Variants in HIVEP2 observed in about 807,000 individuals in gnomAD.
The protein encoded by HIVEP2 is HIVEP zinc finger 2.
HIVEP2 carries 14 observed loss-of-function variants against 180.7 expected under a neutral mutation model. That is an observed-to-expected ratio of 0.08 (90% CI 0.05 to 0.12). The LOEUF is 0.12. HIVEP2 is among the 10% of genes least tolerant of loss of function. The probability of loss-of-function intolerance (pLI) is 1.00; values close to 1 mark genes in which losing one functional copy is unlikely to be tolerated. For synonymous variants in HIVEP2, 1,184 were observed against 1,136.4 expected, an observed-to-expected ratio of 1.04 and a Z score of -0.84; for missense variants, 2,579 against 3,008.5, an observed-to-expected ratio of 0.86 and a Z score of 3.34.
intron 1 of HIVEP2, among the ~76,000 whole-genome samples, chr6:142,930,409 T>G (rs922495388): frequency 3.3e-5 from 5 of 152,184 alleles, no homozygotes; most frequent in African/African-American, 1.2e-4. Flanking sequence ...TTATTTTTCT[T>G]ACAAACTACC....
intron 1 of HIVEP2, among the ~76,000 whole-genome samples, chr6:142,921,747 G>C (rs994134332): frequency 6.6e-6 from 1 of 152,086 alleles, no homozygotes; most frequent in Non-Finnish European, 1.5e-5. Flanking sequence ...GAAATAACTA[G>C]GGAGAAAAAG....
chr6:142,796,969 T>A (rs748518895), intron 2 of HIVEP2, among the ~76,000 whole-genome samples: 1 of 152,176 alleles, frequency 6.6e-6, no homozygotes, highest in Admixed American at 6.6e-5. Flanking sequence ...GATTTAATAC[T>A]GCATCTTTAC....
intron 1 of HIVEP2, among the ~76,000 whole-genome samples, chr6:142,877,742 G>T (rs952265615): frequency 1.3e-5 from 2 of 152,174 alleles, no homozygotes; most frequent in Non-Finnish European, 2.9e-5. Flanking sequence ...GACTTCCTGA[G>T]ATCACAGCCT....
chr6:142,904,419 T>C (rs374379623), intron 1 of HIVEP2, among the ~76,000 whole-genome samples: 40 of 152,346 alleles, frequency 2.6e-4, no homozygotes, highest in African/African-American at 9.1e-4. Context: ...CTTGTAAAGC[T>C]GTTGTTCATG....
At chr6:142,814,809 A>G (rs1197402872) in intron 2 of HIVEP2, among the ~76,000 whole-genome samples, 1 of 152,204 alleles carries the variant, frequency 6.6e-6, no homozygotes. Context: ...TAGTAGTCAA[A>G]GAAATCAAAG....
intron 1 of HIVEP2, among the ~76,000 whole-genome samples, chr6:142,916,382 C>T (rs1001795809): frequency 2.0e-5 from 3 of 152,188 alleles, no homozygotes; most frequent in Non-Finnish European, 4.4e-5. Context: ...GTTTATAAGA[C>T]CCTGTGTGGA....
At chr6:142,764,392 T>C (rs1775329997) in intron 7 of HIVEP2, among the ~76,000 whole-genome samples, 1 of 152,216 alleles carries the variant, frequency 6.6e-6, no homozygotes, top group Non-Finnish European at 1.5e-5. Flanking sequence ...CTCTACATTA[T>C]TTATAATCTT....
At chr6:142,936,188 T>C (rs1386549252) in intron 1 of HIVEP2, among the ~76,000 whole-genome samples, 1 of 151,300 alleles carries the variant, frequency 6.6e-6, no homozygotes, top group Non-Finnish European at 1.5e-5. Context: ...CACTTAATTC[T>C]CTCTCTCTCT....
intron 1 of HIVEP2, among the ~76,000 whole-genome samples, chr6:142,931,741 T>G (rs1158121207): frequency 1.3e-5 from 2 of 152,204 alleles, no homozygotes; most frequent in African/African-American, 4.8e-5. Context: ...TTTTATCTGT[T>G]CGTTTCATTT....
intron 1 of HIVEP2, among the ~76,000 whole-genome samples, chr6:142,856,797 T>C (rs1775833791): frequency 6.6e-6 from 1 of 152,168 alleles, no homozygotes; most frequent in South Asian, 2.1e-4. Flanking sequence ...AGAAATGACC[T>C]GTGAGGGAGA....
chr6:142,923,508 G>A (rs1777730988), intron 1 of HIVEP2, among the ~76,000 whole-genome samples: 1 of 152,164 alleles, frequency 6.6e-6, no homozygotes, highest in Admixed American at 6.5e-5. Flanking sequence ...CTTTGGAGAA[G>A]ATTTTCTTTT....
rs1224410312 is a variant in HIVEP2, at chr6:142,873,273, GC to G, written c.-640-36227del. 2.0e-5 allele frequency among the ~76,000 whole-genome samples: 3 copies of G among 152,142 alleles called. No homozygotes were observed. The East Asian group carries it at 5.8e-4, about 29-fold the overall frequency. The stretch of plus-strand genomic sequence containing the variant: ...CTCACTAGAAAAAAAATGGCTGTGT[GC>G]CCCCAATCCAAACAAGACATTTAAA... On this transcript the variant is annotated intron_variant, in intron 1 of 9. Coordinates refer to ENST00000367603, the MANE Select transcript of HIVEP2 (RefSeq NM_006734.4).
intron 1 of HIVEP2, among the ~76,000 whole-genome samples, chr6:142,839,345 T>G (rs759126534): frequency 2.0e-5 from 3 of 152,072 alleles, no homozygotes; most frequent in Non-Finnish European, 4.4e-5. Flanking sequence ...TCCTTACTTT[T>G]AATTTGTTTG....
At chr6:142,874,056 T>C (rs542576095) in intron 1 of HIVEP2, among the ~76,000 whole-genome samples, 7 of 152,292 alleles carry the variant, frequency 4.6e-5, no homozygotes, top group African/African-American at 1.7e-4. Context: ...AACCAAGCTG[T>C]TCTGAAGATA....
Position 142,773,269 on chromosome 6 carries a change from C to A in HIVEP2, c.1470G>T (p.Thr490=). ...TGAACTTAGTGGATTTCAGCATGCT[C>A]GTTTGACTGGGGTCGACATCTCCCT... is the stretch of plus-strand genomic sequence containing the variant. ...PSKGDVDPSQ[T]SMLKSTKFNS... The change falls in exon 5 of 10, where the codon ACG becomes ACT. Residue 490 remains threonine (T), a synonymous_variant. Transcript: ENST00000367603. 1 of 1,614,178 alleles carries A rather than the reference C, an allele frequency of 6.2e-7. No homozygotes were observed. Among genetic ancestry groups the A allele is most frequent in the Non-Finnish European group, 8.5e-7 (1 of 1,180,034 alleles).
At chr6:142,798,673 T>C (rs1306168381) in intron 2 of HIVEP2, among the ~76,000 whole-genome samples, 1 of 152,156 alleles carries the variant, frequency 6.6e-6, no homozygotes, top group Non-Finnish European at 1.5e-5. Context: ...GATGACCTCA[T>C]GCAGATGGGG....
intron 1 of HIVEP2, among the ~76,000 whole-genome samples, chr6:142,844,969 A>G (rs957806360): frequency 2.0e-5 from 3 of 152,202 alleles, no homozygotes; most frequent in Admixed American, 6.5e-5. Flanking sequence ...TCCCCTTTCT[A>G]TCCTGGTCCT....
intron 1 of HIVEP2, among the ~76,000 whole-genome samples, chr6:142,901,440 C>T (rs893385389): frequency 1.3e-5 from 2 of 152,194 alleles, no homozygotes; most frequent in Non-Finnish European, 2.9e-5. Context: ...AGATATGCTT[C>T]TGCAAGTTCC....
intron 2 of HIVEP2, among the ~76,000 whole-genome samples, chr6:142,789,024 G>A (rs925747979): frequency 2.6e-5 from 4 of 152,010 alleles, no homozygotes; most frequent in Middle Eastern, 3.2e-3. Context: ...CTACCATTCC[G>A]GTTTCTCTAT....
Sources: gnomAD v4.1 joint callset for allele counts (sites outside exome capture counted in the v4.1 genomes callset) on GRCh38, gnomAD v4.1.1 for gene constraint, MANE v1.5 for transcripts, NCBI Gene and HGNC (gene_info 2026-07-23, HGNC 2026-07-21) for gene names.